Variants in RBM6 observed in about 807,000 individuals in gnomAD.
RBM6 encodes RNA-binding protein 6.
In RBM6, 23 loss-of-function variants were observed where a neutral mutation model predicts 140.4. The observed-to-expected ratio is 0.16, with a 90% CI of 0.12 to 0.23. The LOEUF (loss-of-function observed/expected upper bound fraction) is 0.23, where lower values mean the gene tolerates loss of function less well. Ranked by LOEUF, RBM6 falls within the 10% of genes least tolerant of loss-of-function variation. The pLI is 1.00. For synonymous variants in RBM6, 439 were observed against 475.6 expected (o/e 0.92, Z 1.00); for missense variants, 1,139 against 1,386.7 (o/e 0.82, Z 2.84).
chr3:49,948,542 G>C (rs985305033), intron 1 of RBM6, among the ~76,000 whole-genome samples: 1 of 151,652 alleles, frequency 6.6e-6, no homozygotes, highest in African/African-American at 2.4e-5. Flanking sequence ...ATGAAACCTA[G>C]TCTCTACTAA....
At chr3:50,053,423 C>T (rs992287225) in intron 7 of RBM6, among the ~76,000 whole-genome samples, 3 of 151,900 alleles carry the variant, frequency 2.0e-5, no homozygotes, top group Non-Finnish European at 2.9e-5. Flanking sequence ...CCCGGCTACT[C>T]GGGAGGCTGA....
chr3:50,028,583 C>G (rs2108814973), intron 6 of RBM6, among the ~76,000 whole-genome samples: 1 of 152,128 alleles, frequency 6.6e-6, no homozygotes, highest in Non-Finnish European at 1.5e-5. Flanking sequence ...TCAGGGTAAT[C>G]TTAGAGTCAT....
At chr3:50,004,435 T>A (rs1036141291) in intron 6 of RBM6, among the ~76,000 whole-genome samples, 4 of 150,580 alleles carry the variant, frequency 2.7e-5, no homozygotes, top group Non-Finnish European at 5.9e-5. Flanking sequence ...CCAACTCAGT[T>A]CTCTTTAGTA....
Sources: allele counts gnomAD v4.1 joint callset (sites outside exome capture counted in the v4.1 genomes callset), GRCh38; gene constraint gnomAD v4.1.1; transcripts MANE v1.5; gene names NCBI Gene and HGNC (gene_info 2026-07-23, HGNC 2026-07-21).